PRKG1: variants seen among roughly 807,000 people sequenced by gnomAD.
PRKG1 encodes the protein cGMP-dependent protein kinase 1.
Under a neutral mutation model 88.1 loss-of-function variants are expected in PRKG1, and 35 were observed. That is an observed-to-expected ratio of 0.40 (90% CI 0.30 to 0.53). The LOEUF (loss-of-function observed/expected upper bound fraction) is 0.53. Among genes scored for constraint, PRKG1 ranks in the 20% least tolerant of loss-of-function variants. PRKG1 has a pLI of 0.59. For synonymous variants in PRKG1, 303 were observed against 292.5 expected (o/e 1.04, Z -0.37); for missense variants, 540 against 839.8 (o/e 0.64, Z 4.41).
At chr10:51,920,119 T>C (rs887559418) in intron 5 of PRKG1, among the ~76,000 whole-genome samples, 2 of 151,836 alleles carry the variant, frequency 1.3e-5, no homozygotes, top group Admixed American at 6.6e-5. Flanking sequence ...AGAGTAGAGG[T>C]TGCTGGTAGG....
At chr10:52,193,548 C>CAAAAAAAAAAAAAAAAA (rs34730000) in intron 9 of PRKG1, among the ~76,000 whole-genome samples, 3 of 42,814 alleles carry the variant, frequency 7.0e-5, no homozygotes, top group African/African-American at 2.2e-4. Context: ...GACTCTGTCT[C>CAAAAAAAAAAAAAAAAA]AAAAAAAAAA....
In PRKG1 at chr10:52,133,917, G is replaced by A. The variant is rs1057524395; in HGVS notation, c.1001+12G>A. On this transcript the variant is annotated intron_variant, in intron 8 of 17. Transcript: ENST00000373980. Reference sequence around the variant, plus strand: ...GTGATTGACAGAGAGTAAGTACATTGTTTTATTATGTGAATTACACACTCA... The same window carrying A: ...GTGATTGACAGAGAGTAAGTACATTATTTTATTATGTGAATTACACACTCA... 8.7e-6 allele frequency: 14 copies of A among 1,605,362 alleles called. No individual in the cohort carries two copies. The highest frequency in any genetic ancestry group is 1.1e-5 in the Non-Finnish European group (13 of 1,172,968).
chr10:51,178,882 C>A (rs1447634889), intron 2 of PRKG1, among the ~76,000 whole-genome samples: 1 of 152,134 alleles, frequency 6.6e-6, no homozygotes, highest in Non-Finnish European at 1.5e-5. Flanking sequence ...TCCAAATACA[C>A]TGACCTTCTA....
intron 3 of PRKG1, among the ~76,000 whole-genome samples, chr10:51,773,262 A>C (rs1202826627): frequency 6.6e-6 from 1 of 152,124 alleles, no homozygotes; most frequent in African/African-American, 2.4e-5. Context: ...GTATTATACC[A>C]GGTAAACTGT....
At chr10:52,211,778 G>A (rs980397712) in intron 9 of PRKG1, among the ~76,000 whole-genome samples, 1 of 150,856 alleles carries the variant, frequency 6.6e-6, no homozygotes. Context: ...ACTACGGAAA[G>A]TGGAAGATAT....
At position 52,008,017 on chromosome 10, in the gene PRKG1, C is replaced by G. The variant is rs11000434; in HGVS notation, c.763-46467C>G. 9.9e-5 allele frequency among the ~76,000 whole-genome samples: 15 copies of G among 152,124 alleles called. No homozygotes were observed. In the East Asian group the frequency reaches 2.3e-3, roughly 23 times the overall value. On this transcript the variant is annotated intron_variant, in intron 5 of 17. Coordinates refer to ENST00000373980, the MANE Select transcript of PRKG1 (RefSeq NM_006258.4). ...TTACATGGAAATTAAACAATCTGCT[C>G]CTGTATGACTTTTGGAAAATAATGT...
chr10:51,553,463 A>G (rs949646235), intron 3 of PRKG1, among the ~76,000 whole-genome samples: 2 of 151,682 alleles, frequency 1.3e-5, no homozygotes, highest in South Asian at 2.1e-4. Context: ...CATAAACTGT[A>G]CTCTGAAAAG....
At position 51,065,138 on chromosome 10, in the gene PRKG1, T is replaced by G. The variant is rs76301277; in HGVS notation, c.266+73494T>G. Among the ~76,000 whole-genome samples the G allele has an allele frequency of 4.3e-3, 655 of 152,204 alleles. 2 individuals carry two copies. Among genetic ancestry groups the G allele is most frequent in the African/African-American group, 0.014 (601 of 41,570 alleles). ...TATGAATAGTTTTCTACAAGATGTA[T>G]GTATTAAGAAGCACTAGTAAAGAAG... On this transcript the variant is annotated intron_variant, in intron 1 of 17. Coordinates refer to the PRKG1 transcript ENST00000401604.
chr10:50,991,399 C>A lies in PRKG1; in HGVS notation c.21C>A (p.Asp7Glu). Residue 7 changes from aspartate to glutamate, a missense_variant, in exon 1 of 18, where the codon GAC becomes GAA. By Grantham distance (45) the Asp-to-Glu change is conservative (BLOSUM62 2). Coordinates refer to the PRKG1 transcript ENST00000401604. The surrounding 1 kb of genome is among the most constrained non-coding windows in gnomAD (Gnocchi z 4.5). Reference sequence around the variant, plus strand: ...AAAAAATGAGCGAGCTAGAGGAAGACTTTGCCAAGATTCTCATGCTCAAGG... The same window carrying A: ...AAAAAATGAGCGAGCTAGAGGAAGAATTTGCCAAGATTCTCATGCTCAAGG... The A allele has an allele frequency of 1.3e-6, 2 of 1,554,114 alleles. No individual in the cohort carries two copies. The highest frequency in any genetic ancestry group is 1.7e-6 in the Non-Finnish European group (2 of 1,150,306).
At chr10:51,661,653 T>C (rs1209405051) in intron 3 of PRKG1, among the ~76,000 whole-genome samples, 1 of 152,154 alleles carries the variant, frequency 6.6e-6, no homozygotes, top group Non-Finnish European at 1.5e-5. Context: ...AGTTCAACCA[T>C]TGTGGAAGAC....
intron 5 of PRKG1, among the ~76,000 whole-genome samples, chr10:52,028,628 C>A (rs371165801): frequency 1.3e-5 from 2 of 152,126 alleles, no homozygotes; most frequent in African/African-American, 4.8e-5. Context: ...TAAACAGATC[C>A]TAAGTGTACC....
intron 3 of PRKG1, among the ~76,000 whole-genome samples, chr10:51,615,783 T>C (rs1839036476): frequency 6.6e-6 from 1 of 152,046 alleles, no homozygotes; most frequent in Admixed American, 6.6e-5. Flanking sequence ...TTCTTTAAAA[T>C]AAATATTTCA....
chr10:51,436,360 C>T (rs1353096520), intron 2 of PRKG1, among the ~76,000 whole-genome samples: 1 of 151,906 alleles, frequency 6.6e-6, no homozygotes, highest in Non-Finnish European at 1.5e-5. Context: ...CCCAATTACA[C>T]TTTTGTATTC....
chr10:51,766,327 C>T (rs571862632), intron 3 of PRKG1, among the ~76,000 whole-genome samples: 1 of 152,248 alleles, frequency 6.6e-6, no homozygotes, highest in East Asian at 1.9e-4. Flanking sequence ...CATGCAGGCC[C>T]TTAGCTTGAG....
At chr10:51,439,022 G>A (rs59492347) in intron 2 of PRKG1, among the ~76,000 whole-genome samples, 89 of 144,812 alleles carry the variant, frequency 6.1e-4, no homozygotes, top group African/African-American at 2.0e-3. Flanking sequence ...TAAAAAAAAA[G>A]AGAAACCAAT....
chr10:52,233,431 C>T (rs1357406156), intron 9 of PRKG1, among the ~76,000 whole-genome samples: 1 of 149,780 alleles, frequency 6.7e-6, no homozygotes, highest in Non-Finnish European at 1.5e-5. Context: ...GAGTGCCAGA[C>T]AGTGGGCGCA....
intron 3 of PRKG1, among the ~76,000 whole-genome samples, chr10:51,774,761 G>T (rs1838391585): frequency 1.3e-5 from 2 of 152,076 alleles, no homozygotes; most frequent in Admixed American, 6.6e-5. Flanking sequence ...ATTGTTTAAA[G>T]AAGTACTTTC....
At chr10:51,851,720 AC>A (rs1369937298) in intron 4 of PRKG1, among the ~76,000 whole-genome samples, 1 of 152,230 alleles carries the variant, frequency 6.6e-6, no homozygotes, top group Admixed American at 6.5e-5. Context: ...AAATGCTTTG[AC>A]ATTTTTCTCT....
chr10:52,020,460 G>A (rs563093152), intron 5 of PRKG1, among the ~76,000 whole-genome samples: 45 of 152,236 alleles, frequency 3.0e-4, no homozygotes, highest in African/African-American at 5.5e-4. Context: ...AGAATTCGAT[G>A]GAGGGGCATA....
Sources: gnomAD v4.1 joint callset for allele counts (sites outside exome capture counted in the v4.1 genomes callset) on GRCh38, gnomAD v4.1.1 for gene constraint, Gnocchi (gnomAD v3.1) non-coding constraint, MANE v1.5 for transcripts, NCBI Gene and HGNC (gene_info 2026-07-23, HGNC 2026-07-21) for gene names.